Variants in ABTB2 observed in about 807,000 individuals in gnomAD.
ABTB2 encodes ankyrin repeat and BTB domain containing 2, also known as ankyrin repeat and BTB/POZ domain-containing protein 2.
Under a neutral mutation model 104.1 loss-of-function variants are expected in ABTB2, and 56 were observed. The observed-to-expected ratio is 0.54, with a 90% CI of 0.43 to 0.67. The LOEUF is 0.67. ABTB2 is among the 30% of genes least tolerant of loss of function. ABTB2 has a pLI of 0.00. For missense variants in ABTB2, 1,279 were observed against 1,407.7 expected (o/e 0.91, Z 1.46); for synonymous variants, 606 against 608.2 (o/e 1.00, Z 0.05).
At chr11:34,199,920 G>A (rs150297861) in intron 2 of ABTB2, among the ~76,000 whole-genome samples, 93 of 152,218 alleles carry the variant, frequency 6.1e-4, no homozygotes, top group African/African-American at 2.1e-3. Context: ...CGCCTCCTGT[G>A]GACTCTTCCT....
chr11:34,173,270 G>T lies in ABTB2; in HGVS notation c.1282C>A (p.Arg428Ser), dbSNP rs1348844307. The change falls in exon 4 of 17, where the codon CGC becomes AGC. Residue 428 changes from arginine (R) to serine (S), a missense_variant. Transcript: ENST00000435224. ...TGCTCTGCGTAGGTGATGGCCACGC[G>T]CATCCACTCCATGAGGGGCGGCAGC... ...MLLPPLMEWMRVAITYAEHRR... is the reference protein window; with the variant it reads ...MLLPPLMEWMSVAITYAEHRR... The T allele has an allele frequency of 6.2e-7, 1 of 1,607,726 alleles. No individual in the cohort carries two copies. The highest frequency in any genetic ancestry group is 1.1e-5 in the South Asian group (1 of 89,936).
chr11:34,334,947 A>C (rs1488337438), intron 1 of ABTB2, among the ~76,000 whole-genome samples: 1 of 152,216 alleles, frequency 6.6e-6, no homozygotes, highest in Non-Finnish European at 1.5e-5. Flanking sequence ...GATATGAATA[A>C]TGAACATTTG....
intron 3 of ABTB2, among the ~76,000 whole-genome samples, chr11:34,187,351 TC>T (rs1565135799): frequency 6.6e-6 from 1 of 152,194 alleles, no homozygotes; most frequent in East Asian, 1.9e-4. Context: ...TCGTCTTTGA[TC>T]CCATAGCTAA....
At position 34,152,246 on chromosome 11, in the gene ABTB2, C is replaced by T. The variant is rs911531980; in HGVS notation, c.*141G>A. The T allele has an allele frequency of 3.3e-6, 3 of 920,760 alleles. No homozygotes were observed. The highest frequency in any genetic ancestry group is 2.7e-5 in the East Asian group (1 of 37,628). The allele number at this position is 920,760 out of a possible 1,614,324, so 57.0% of individuals were successfully genotyped here. A position where few individuals can be genotyped will look rare whatever the true frequency, so the allele number is the denominator to read the frequency against. On this transcript the variant is annotated 3_prime_UTR_variant, in exon 17 of 17. Coordinates refer to ENST00000435224, the MANE Select transcript of ABTB2 (RefSeq NM_145804.3). ...GGCAGAGGAGATGAGGGTGAGCTGCCCGGTGACAGGGGGGACATCTGGGGG... is the reference window on the plus strand; with the variant it reads ...GGCAGAGGAGATGAGGGTGAGCTGCTCGGTGACAGGGGGGACATCTGGGGG...
intron 1 of ABTB2, among the ~76,000 whole-genome samples, chr11:34,253,851 G>A (rs1054239214): frequency 6.6e-6 from 1 of 152,106 alleles, no homozygotes; most frequent in South Asian, 2.1e-4. Flanking sequence ...TCTTTCTCTG[G>A]TATGCAGGGC....
chr11:34,174,542 ACTGCGGCTCAG>A (rs1462809472), intron 3 of ABTB2, among the ~76,000 whole-genome samples: 2 of 152,162 alleles, frequency 1.3e-5, no homozygotes, highest in African/African-American at 4.8e-5. Context: ...CTGGGCCCTG[ACTGCGGCTCAG>A]GCCGCGCCCG....
intron 1 of ABTB2, among the ~76,000 whole-genome samples, chr11:34,287,367 C>T (rs78222013): frequency 0.032 from 4,874 of 151,942 alleles, 275 homozygotes; most frequent in African/African-American, 0.11. Flanking sequence ...GAGACCAGCC[C>T]GGCCAACATG....
intron 1 of ABTB2, among the ~76,000 whole-genome samples, chr11:34,275,749 C>T (rs1046889958): frequency 1.6e-4 from 24 of 152,144 alleles, no homozygotes; most frequent in Non-Finnish European, 2.9e-4. Context: ...TAATTATGCA[C>T]AGAACACTAA....
At chr11:34,305,284 C>G (rs1476492276) in intron 1 of ABTB2, among the ~76,000 whole-genome samples, 7 of 152,198 alleles carry the variant, frequency 4.6e-5, no homozygotes, top group Admixed American at 4.6e-4. Flanking sequence ...GTGTTAGTTT[C>G]CTAAGTGTGT....
chr11:34,263,776 A>G (rs1325609456), intron 1 of ABTB2, among the ~76,000 whole-genome samples: 2 of 152,188 alleles, frequency 1.3e-5, no homozygotes, highest in African/African-American at 4.8e-5. Context: ...TACCCCCAGG[A>G]GCCCTATCTC....
At chr11:34,211,122 G>A (rs1853475765) in intron 1 of ABTB2, among the ~76,000 whole-genome samples, 1 of 152,094 alleles carries the variant, frequency 6.6e-6, no homozygotes, top group South Asian at 2.1e-4. Context: ...CTTTTTGTTT[G>A]TTTTGAGACG....
chr11:34,188,211 C>G (rs929895605), intron 3 of ABTB2, among the ~76,000 whole-genome samples: 1 of 152,188 alleles, frequency 6.6e-6, no homozygotes, highest in Non-Finnish European at 1.5e-5. Flanking sequence ...ATATCATGGC[C>G]TTTTTAACTC....
In ABTB2 at chr11:34,165,404, C is replaced by A. The variant is rs911724743; in HGVS notation, c.1756-48G>T. On this transcript the variant is annotated intron_variant, in intron 7 of 16. Coordinates refer to ENST00000435224, the MANE Select transcript of ABTB2 (RefSeq NM_145804.3). ...GGGCACTGCTCAGCGTGGCAGGGAG[C>A]ACCTGGGAAGGGCCAGGGTGCTTTC... The A allele has an allele frequency of 3.3e-6, 5 of 1,524,038 alleles. No homozygotes were observed. In the African/African-American group the frequency reaches 6.9e-5, roughly 21 times the overall value. The allele number at this position is 1,524,038 out of a possible 1,614,324, so 94.4% of individuals were successfully genotyped here.
chr11:34,231,716 G>A (rs2957517), intron 1 of ABTB2, among the ~76,000 whole-genome samples: 105,323 of 151,964 alleles, frequency 0.69, 36,570 homozygotes, highest in Middle Eastern at 0.8. Context: ...GATTACAGGC[G>A]CATGCCACCA....
At position 34,195,083 on chromosome 11, in the gene ABTB2, G is replaced by GC. The variant is rs1436541356; in HGVS notation, c.1244+2241_1244+2242insG. On this transcript the variant is annotated intron_variant, in intron 3 of 16. Coordinates refer to ENST00000435224, the MANE Select transcript of ABTB2 (RefSeq NM_145804.3). ...ATGACAAAGATGCCCGGCGGGGGGG[G>GC]GGAGTGGGGGCGGGAGAAAGTGCCA... is the stretch of plus-strand genomic sequence containing the variant. Among the ~76,000 whole-genome samples the GC allele has an allele frequency of 4.2e-5, 4 of 94,234 alleles. 1 individual carries two copies. The highest frequency in any genetic ancestry group is 9.5e-5 in the Admixed American group (1 of 10,516). The allele number at this position is 94,234 out of a possible 152,430, so 61.8% of individuals were successfully genotyped here. A position where few individuals can be genotyped will look rare whatever the true frequency, so the allele number is the denominator to read the frequency against.
intron 1 of ABTB2, among the ~76,000 whole-genome samples, chr11:34,241,611 G>A (rs1173411249): frequency 6.6e-6 from 1 of 152,202 alleles, no homozygotes; most frequent in Non-Finnish European, 1.5e-5. Flanking sequence ...TAAAAGACTA[G>A]CTGGCCATGA....
At chr11:34,315,614 C>T (rs921809926) in intron 1 of ABTB2, among the ~76,000 whole-genome samples, 2 of 152,210 alleles carry the variant, frequency 1.3e-5, no homozygotes, top group African/African-American at 2.4e-5. Flanking sequence ...CCCTCCTCCC[C>T]TGCCCCAATC....
intron 6 of ABTB2, 81 bp downstream of exon 6, chr11:34,167,822 A>T: frequency 7.0e-7 from 1 of 1,438,736 alleles, no homozygotes; most frequent in Non-Finnish European, 9.7e-7. Flanking sequence ...CCAAAACATC[A>T]CGCCCAGCGT....
intron 1 of ABTB2, among the ~76,000 whole-genome samples, chr11:34,237,842 G>A (rs893111830): frequency 2.0e-5 from 3 of 152,138 alleles, no homozygotes; most frequent in South Asian, 2.1e-4. Context: ...AAGTTGCAGT[G>A]GGCCGAGATC....
Sources: allele counts gnomAD v4.1 joint callset (sites outside exome capture counted in the v4.1 genomes callset), GRCh38; gene constraint gnomAD v4.1.1; transcripts MANE v1.5; gene names NCBI Gene and HGNC (gene_info 2026-07-23, HGNC 2026-07-21).